MYT1L: variants seen among roughly 807,000 people sequenced by gnomAD.
MYT1L encodes the protein myelin transcription factor 1 like.
A neutral mutation model predicts 126.7 loss-of-function variants in MYT1L; 12 were observed. That is an observed-to-expected ratio of 0.09 (90% CI 0.06 to 0.15). The LOEUF is 0.15. Among genes scored for constraint, MYT1L ranks in the 10% least tolerant of loss-of-function variants. The pLI is 1.00. For synonymous variants in MYT1L, 541 were observed against 604.2 expected, an observed-to-expected ratio of 0.90 and a Z score of 1.53; for missense variants, 979 against 1,585.2, an observed-to-expected ratio of 0.62 and a Z score of 6.49.
intron 2 of MYT1L, among the ~76,000 whole-genome samples, chr2:2,247,556 T>C (rs566177646): frequency 3.7e-4 from 56 of 152,282 alleles, no homozygotes; most frequent in Middle Eastern, 3.4e-3. Context: ...TTAAAGAACA[T>C]TGAATGGCTA....
intron 9 of MYT1L, among the ~76,000 whole-genome samples, chr2:1,925,773 G>C (rs2054152093): frequency 6.6e-6 from 1 of 152,178 alleles, no homozygotes; most frequent in Admixed American, 6.5e-5. Context: ...TATGAAATTA[G>C]AAGTTCTACA....
Position 1,831,722 on chromosome 2 carries a change from C to T in MYT1L, c.3080+7427G>A, listed in dbSNP as rs1376544279. 2.0e-5 allele frequency among the ~76,000 whole-genome samples: 3 copies of T among 152,322 alleles called. No homozygotes were observed. In the East Asian group the frequency reaches 5.8e-4, roughly 29 times the overall value. ...TTGTGTGTGTTCTTTTCTCTGGAAG[C>T]TTCTGCACATCATGGCGCCTGGCTC... is the stretch of plus-strand genomic sequence containing the variant. On this transcript the variant is annotated intron_variant, in intron 21 of 24. Transcript: ENST00000647738.
intron 19 of MYT1L, among the ~76,000 whole-genome samples, chr2:1,843,413 G>A (rs2042082690): frequency 1.3e-5 from 2 of 152,064 alleles, no homozygotes; most frequent in African/African-American, 4.8e-5. Context: ...TCCTACCCAG[G>A]GAGAGTTACT....
At chr2:1,911,108 C>T (rs1034992109) in intron 12 of MYT1L, among the ~76,000 whole-genome samples, 2 of 152,166 alleles carry the variant, frequency 1.3e-5, no homozygotes, top group African/African-American at 2.4e-5. Flanking sequence ...CCTGACGCTG[C>T]GGATGCTGCA....
intron 2 of MYT1L, among the ~76,000 whole-genome samples, chr2:2,189,811 C>T (rs1281415092): frequency 6.6e-6 from 1 of 150,854 alleles, no homozygotes; most frequent in Admixed American, 6.6e-5. Context: ...CAGGACCGCA[C>T]GGGGAGAAGC....
intron 2 of MYT1L, among the ~76,000 whole-genome samples, chr2:2,197,658 A>C (rs934897725): frequency 6.6e-6 from 1 of 152,210 alleles, no homozygotes; most frequent in African/African-American, 2.4e-5. Context: ...GAATGTGTAG[A>C]GATGTATATA....
chr2:1,861,575 G>T (rs991594329), intron 18 of MYT1L, among the ~76,000 whole-genome samples: 1 of 151,314 alleles, frequency 6.6e-6, no homozygotes, highest in Admixed American at 6.6e-5. Context: ...GTTTGGGGGG[G>T]TGTTAAAGAC....
chr2:1,886,607 A>G lies in MYT1L; in HGVS notation c.2643T>C (p.Thr881=). ...QCKESKKDLI[T]LSGCPLADKS... ...TGTCCGCCAGGGGGCAGCCAGACAG[A>G]CTGTAAGACAGGCCGGGACAGGCAG... Residue 881 remains threonine, a splice_region_variant and synonymous_variant, in exon 18 of 25, where the codon ACT becomes ACC. Coordinates refer to ENST00000647738, the MANE Select transcript of MYT1L (RefSeq NM_001303052.2). 1 of 1,569,460 alleles carries G rather than the reference A, an allele frequency of 6.4e-7. No individual in the cohort carries two copies. The highest frequency in any genetic ancestry group is 8.6e-7 in the Non-Finnish European group (1 of 1,158,358).
intron 2 of MYT1L, among the ~76,000 whole-genome samples, chr2:2,262,938 T>TTATATATATATATATA (rs2095021239): frequency 2.6e-5 from 1 of 37,960 alleles, no homozygotes. Flanking sequence ...ATATAACCTG[T>TTATATATATATATATA]GATATATATA....
intron 2 of MYT1L, among the ~76,000 whole-genome samples, chr2:2,268,823 C>T (rs939109112): frequency 6.6e-6 from 1 of 152,136 alleles, no homozygotes; most frequent in African/African-American, 2.4e-5. Context: ...TTAGGGAATT[C>T]AAACTCATTT....
intron 3 of MYT1L, among the ~76,000 whole-genome samples, chr2:2,056,010 A>C (rs1345302015): frequency 6.6e-6 from 1 of 152,234 alleles, no homozygotes; most frequent in Non-Finnish European, 1.5e-5. Context: ...CCTCAACGGC[A>C]GATATGACTG....
intron 4 of MYT1L, among the ~76,000 whole-genome samples, chr2:2,047,653 C>T (rs2068351446): frequency 6.6e-6 from 1 of 152,156 alleles, no homozygotes; most frequent in Non-Finnish European, 1.5e-5. Flanking sequence ...ATTTGGCTAA[C>T]TACATTTAAG....
At chr2:2,282,545 G>C (rs1211375038) in intron 2 of MYT1L, among the ~76,000 whole-genome samples, 1 of 152,138 alleles carries the variant, frequency 6.6e-6, no homozygotes, top group African/African-American at 2.4e-5. Context: ...CTTCTCAAAA[G>C]CTTCAAAATG....
intron 8 of MYT1L, among the ~76,000 whole-genome samples, chr2:1,973,831 G>A (rs1325277045): frequency 1.3e-5 from 2 of 152,214 alleles, no homozygotes; most frequent in Non-Finnish European, 2.9e-5. Context: ...AGCAGCAGAT[G>A]CAGCTCCCCA....
At chr2:2,100,714 T>TC (rs35949650) in intron 3 of MYT1L, among the ~76,000 whole-genome samples, 1 of 152,266 alleles carries the variant, frequency 6.6e-6, no homozygotes, top group African/African-American at 2.4e-5. Flanking sequence ...CTTCTGCTAG[T>TC]CCCCTGGGTA....
intron 5 of MYT1L, among the ~76,000 whole-genome samples, chr2:1,992,131 T>C (rs1205990614): frequency 6.6e-6 from 1 of 152,100 alleles, no homozygotes; most frequent in African/African-American, 2.4e-5. Context: ...TTTTGCAAAT[T>C]TATTTATTAG....
intron 3 of MYT1L, among the ~76,000 whole-genome samples, chr2:2,139,681 T>A (rs1446714530): frequency 6.6e-6 from 1 of 151,884 alleles, no homozygotes; most frequent in South Asian, 2.1e-4. Context: ...AAAAAGTGCA[T>A]GTCCAGGCAC....
At chr2:1,911,919 G>C in intron 12 of MYT1L, 101 bp downstream of exon 12, 1 of 867,014 alleles carries the variant, frequency 1.2e-6, no homozygotes, top group East Asian at 2.9e-5. Flanking sequence ...GGGGAGCACG[G>C]TGGGGAGCAC....
intron 21 of MYT1L, among the ~76,000 whole-genome samples, chr2:1,810,817 C>T (rs1308071703): frequency 6.6e-6 from 1 of 152,184 alleles, no homozygotes; most frequent in Non-Finnish European, 1.5e-5. Context: ...TTCATCCACA[C>T]CACAGGTCTA....
Sources: gnomAD v4.1 joint callset for allele counts (sites outside exome capture counted in the v4.1 genomes callset) on GRCh38, gnomAD v4.1.1 for gene constraint, MANE v1.5 for transcripts, NCBI Gene and HGNC (gene_info 2026-07-23, HGNC 2026-07-21) for gene names.